TTC3: variants seen among roughly 807,000 people sequenced by gnomAD.
The protein encoded by TTC3 is E3 ubiquitin-protein ligase TTC3.
Under a neutral mutation model 249.6 loss-of-function variants are expected in TTC3, and 180 were observed. The ratio of observed to expected loss-of-function variants is 0.72; its 90% CI spans 0.64 to 0.82. The LOEUF (loss-of-function observed/expected upper bound fraction) is 0.82, where lower values mean the gene tolerates loss of function less well. Ranked by LOEUF, TTC3 falls within the 40% of genes least tolerant of loss-of-function variation. The probability of loss-of-function intolerance (pLI) is 0.00; values close to 1 mark genes in which losing one functional copy is unlikely to be tolerated. For missense variants in TTC3, 2,061 were observed against 2,398.4 expected (o/e 0.86, Z 2.94); for synonymous variants, 717 against 805.0 (o/e 0.89, Z 1.85).
At chr21:37,137,633 A>G (rs1471544763) in intron 18 of TTC3, among the ~76,000 whole-genome samples, 1 of 152,194 alleles carries the variant, frequency 6.6e-6, no homozygotes, top group Non-Finnish European at 1.5e-5. Flanking sequence ...ATGCTGGAAT[A>G]TTGTTGAAAT....
intron 37 of TTC3, 38 bp from the exon 38 acceptor site, chr21:37,187,011 T>G (rs1473276478): frequency 6.5e-6 from 9 of 1,374,094 alleles, no homozygotes; most frequent in Non-Finnish European, 8.8e-6. Flanking sequence ...TGTGAAATTT[T>G]GTTCAAGAAA....
chr21:37,190,130 C>CTTTTTTTTTTTTTTTTTTT (rs138862573), intron 39 of TTC3, among the ~76,000 whole-genome samples: 2 of 65,024 alleles, frequency 3.1e-5, no homozygotes, highest in Admixed American at 2.4e-4. Flanking sequence ...CTTTTTCTTT[C>CTTTTTTTTTTTTTTTTTTT]TTTTTTTTTT....
At chr21:37,159,816 G>A in intron 29 of TTC3, 71 bp downstream of exon 29, 1 of 1,460,756 alleles carries the variant, frequency 6.8e-7, no homozygotes, top group Non-Finnish European at 9.6e-7. Context: ...AGGGGACCCA[G>A]GCCAGTGTTT....
chr21:37,094,126 G>T, intron 8 of TTC3, 36 bp downstream of exon 8: 1 of 1,338,302 alleles, frequency 7.5e-7, no homozygotes, highest in Non-Finnish European at 1.0e-6. Flanking sequence ...TTTAAGATTT[G>T]CCCATTAGAA....
At chr21:37,081,784 AT>A (rs2071699215) in intron 1 of TTC3, 2 of 150,484 alleles carry the variant, frequency 1.3e-5, no homozygotes, top group Admixed American at 6.6e-5. Flanking sequence ...TAGTTCACCA[AT>A]TTTCTCTTCA....
exon 23 of TTC3, chr21:37,148,563 C>G: frequency 1.3e-6 from 2 of 1,591,954 alleles, no homozygotes; most frequent in Non-Finnish European, 1.7e-6. Context: ...TACGCATCAG[C>G]TGTTGCCAGT....
intron 42 of TTC3, among the ~76,000 whole-genome samples, chr21:37,197,234 A>G (rs2085015198): frequency 6.6e-6 from 1 of 152,202 alleles, no homozygotes; most frequent in Non-Finnish European, 1.5e-5. Flanking sequence ...ACCTGAGGTC[A>G]GGAGTTCGGG....
chr21:37,138,620 A>G lies in TTC3; in HGVS notation c.1579-14A>G. ...TTATATTCAGATTTTTAACTGAGGC[A>G]TTTTTATTGACAGCAATTGAACCTG... On this transcript the variant is annotated splice_polypyrimidine_tract_variant and intron_variant, in intron 18 of 45. Transcript: ENST00000355666. 1 of 1,606,556 alleles carries G rather than the reference A, an allele frequency of 6.2e-7. No individual in the cohort carries two copies. The highest frequency in any genetic ancestry group is 2.2e-5 in the East Asian group (1 of 44,700).
intron 43 of TTC3, 68 bp from the exon 44 acceptor site, chr21:37,197,814 G>T: frequency 1.3e-6 from 2 of 1,566,726 alleles, no homozygotes; most frequent in East Asian, 2.2e-5. Flanking sequence ...GACAGAAGAT[G>T]GTCAAGTTGT....
intron 1 of TTC3, among the ~76,000 whole-genome samples, chr21:37,085,041 C>A (rs2072256760): frequency 6.6e-6 from 1 of 151,936 alleles, no homozygotes; most frequent in African/African-American, 2.4e-5. Flanking sequence ...AAAATATACC[C>A]CAGTGTCGTA....
intron 14 of TTC3, 106 bp downstream of exon 14, chr21:37,124,848 C>A (rs1169826618): frequency 8.1e-6 from 9 of 1,106,024 alleles, no homozygotes; most frequent in African/African-American, 1.6e-5. Context: ...GATTTGAACC[C>A]TTTTTGCCTA....
chr21:37,186,065 A>T (rs1304092334), intron 37 of TTC3: 1 of 162,050 alleles, frequency 6.2e-6, no homozygotes, highest in Non-Finnish European at 1.3e-5. Flanking sequence ...GAAACTATAA[A>T]CATGTTGTAA....
chr21:37,182,846 AAAG>A, exon 36 of TTC3: 2 of 1,597,220 alleles, frequency 1.3e-6, no homozygotes, highest in Non-Finnish European at 1.7e-6. Context: ...ACAGGAAAAA[AAAG>A]AAATCCAAGA....
chr21:37,200,214 G>A lies in TTC3; in HGVS notation c.5851-18G>A, dbSNP rs2835663. ...ACTGTAGTTATTCTTTACTATTCAG[G>A]TGTGTTTGTTTCCACAGGCACTGGG... On this transcript the variant is annotated intron_variant, in intron 44 of 45. Transcript: ENST00000355666. The A allele has an allele frequency of 0.022, 35,426 of 1,612,412 alleles. 3,353 individuals carry two copies. In the African/African-American group the frequency reaches 0.25, roughly 11 times the overall value.
intron 42 of TTC3, 29 bp from the exon 43 acceptor site, chr21:37,197,541 T>C (rs2085049812): frequency 1.2e-6 from 2 of 1,611,618 alleles, no homozygotes; most frequent in South Asian, 2.2e-5. Context: ...AACTTTCTGT[T>C]GTCATTCATC....
intron 32 of TTC3, among the ~76,000 whole-genome samples, chr21:37,165,200 A>C (rs1226052307): frequency 6.6e-6 from 1 of 152,144 alleles, no homozygotes; most frequent in African/African-American, 2.4e-5. Flanking sequence ...TTTATTTAAA[A>C]TTCTTATTGG....
intron 10 of TTC3, among the ~76,000 whole-genome samples, chr21:37,107,140 A>G (rs896149573): frequency 8.1e-5 from 12 of 148,690 alleles, no homozygotes; most frequent in African/African-American, 2.7e-4. Context: ...TAAGTTATCT[A>G]GTTTTGTTCT....
intron 3 of TTC3, 105 bp downstream of exon 3, chr21:37,087,980 G>A: frequency 2.0e-6 from 2 of 999,810 alleles, no homozygotes; most frequent in Non-Finnish European, 2.9e-6. Flanking sequence ...TTTTAAAAAT[G>A]TATTCTTACT....
intron 18 of TTC3, among the ~76,000 whole-genome samples, chr21:37,137,674 A>G (rs1601705795): frequency 6.6e-6 from 1 of 152,192 alleles, no homozygotes; most frequent in African/African-American, 2.4e-5. Context: ...CAGTGGCAGG[A>G]TTTGAGAGGA....
Sources: gnomAD v4.1 joint callset for allele counts (sites outside exome capture counted in the v4.1 genomes callset) on GRCh38, gnomAD v4.1.1 for gene constraint, MANE v1.5 for transcripts, NCBI Gene and HGNC (gene_info 2026-07-23, HGNC 2026-07-21) for gene names.